Variants in ACBD6 observed in about 807,000 individuals in gnomAD.
ACBD6 encodes the protein acyl-CoA-binding domain-containing protein 6.
ACBD6 carries 28 observed loss-of-function variants against 37.2 expected under a neutral mutation model. The ratio of observed to expected loss-of-function variants is 0.75; its 90% CI spans 0.56 to 1.03. The LOEUF is 1.03. Among genes scored for constraint, ACBD6 ranks in the 50% least tolerant of loss-of-function variants. The probability of loss-of-function intolerance (pLI) is 0.00; values close to 1 mark genes in which losing one functional copy is unlikely to be tolerated. For synonymous variants in ACBD6, 113 were observed against 126.8 expected, an observed-to-expected ratio of 0.89 and a Z score of 0.73; for missense variants, 340 against 337.4, an observed-to-expected ratio of 1.01 and a Z score of -0.06.
At chr1:180,384,394 C>T (rs1232837783) in intron 6 of ACBD6, among the ~76,000 whole-genome samples, 1 of 152,204 alleles carries the variant, frequency 6.6e-6, no homozygotes, top group Admixed American at 6.5e-5. Context: ...CTAACAGCTA[C>T]ATGAAAGAAA....
chr1:180,343,761 A>AAAAAC (rs1182258405), intron 6 of ACBD6, among the ~76,000 whole-genome samples: 4 of 152,166 alleles, frequency 2.6e-5, no homozygotes, highest in Non-Finnish European at 5.9e-5. Context: ...AAGTAAGCAT[A>AAAAAC]AAAACAAAAC....
intron 9 of ACBD6, chr1:180,278,179 T>TGGAA (rs1649153043): frequency 6.6e-6 from 1 of 152,218 alleles, no homozygotes; most frequent in African/African-American, 2.4e-5. Flanking sequence ...CAGCAGGGTC[T>TGGAA]GGAAGGCCTG....
chr1:180,285,080 G>C (rs1480808063), downstream of ACBD6, among the ~76,000 whole-genome samples: 1 of 152,140 alleles, frequency 6.6e-6, no homozygotes, highest in Admixed American at 6.5e-5. Flanking sequence ...AGTCTGCAGT[G>C]AGCTATAATG....
At chr1:180,305,693 G>A (rs1650327757) in intron 7 of ACBD6, among the ~76,000 whole-genome samples, 2 of 152,202 alleles carry the variant, frequency 1.3e-5, no homozygotes, top group African/African-American at 4.8e-5. Context: ...AGTCAGTGTG[G>A]CAATTCCTCA....
At chr1:180,386,811 C>T (rs1431338390) in intron 6 of ACBD6, among the ~76,000 whole-genome samples, 2 of 136,508 alleles carry the variant, frequency 1.5e-5, no homozygotes, top group African/African-American at 2.5e-5. Context: ...GTTTTTTCCA[C>T]TTGTTTCAAG....
At chr1:180,480,416 G>GT (rs1398414771) in intron 3 of ACBD6, among the ~76,000 whole-genome samples, 3 of 152,222 alleles carry the variant, frequency 2.0e-5, no homozygotes, top group African/African-American at 7.2e-5. Flanking sequence ...AGAAAAAGCA[G>GT]TAAGAAAAGA....
At chr1:180,416,483 A>G (rs1301933619) in intron 4 of ACBD6, among the ~76,000 whole-genome samples, 2 of 152,160 alleles carry the variant, frequency 1.3e-5, no homozygotes. Flanking sequence ...TTACTCAGGT[A>G]TCTTGTTCCC....
chr1:180,288,157 G>T, downstream of ACBD6: 1 of 626,930 alleles, frequency 1.6e-6, no homozygotes, highest in Non-Finnish European at 2.7e-6. Context: ...ATTATGCACA[G>T]TACACATGTT....
intron 6 of ACBD6, among the ~76,000 whole-genome samples, chr1:180,353,427 C>G (rs1179521909): frequency 6.6e-6 from 1 of 152,108 alleles, no homozygotes; most frequent in African/African-American, 2.4e-5. Flanking sequence ...GGCAGCATTT[C>G]ATAGAAGACA....
chr1:180,493,695 C>T (rs1376372356), intron 2 of ACBD6, among the ~76,000 whole-genome samples: 2 of 152,136 alleles, frequency 1.3e-5, no homozygotes, highest in East Asian at 3.8e-4. Flanking sequence ...AGAGGCTATA[C>T]ATTCAGATTT....
intron 7 of ACBD6, among the ~76,000 whole-genome samples, chr1:180,300,584 A>G (rs545474959): frequency 6.6e-6 from 1 of 152,304 alleles, no homozygotes; most frequent in East Asian, 1.9e-4. Context: ...TTGTAACGCC[A>G]GAACTTATAG....
chr1:180,343,935 A>G (rs1468603442), intron 6 of ACBD6, among the ~76,000 whole-genome samples: 1 of 79,742 alleles, frequency 1.3e-5, no homozygotes, highest in African/African-American at 3.6e-5. Context: ...AGAAAAGTAA[A>G]TATAGTTGGC....
At chr1:180,392,101 A>C (rs1654099342) in intron 6 of ACBD6, among the ~76,000 whole-genome samples, 1 of 152,190 alleles carries the variant, frequency 6.6e-6, no homozygotes, top group African/African-American at 2.4e-5. Flanking sequence ...AGTTAGAACT[A>C]ATCAGGGGTC....
intron 3 of ACBD6, among the ~76,000 whole-genome samples, chr1:180,455,215 T>G (rs1440409695): frequency 2.0e-5 from 3 of 152,142 alleles, no homozygotes; most frequent in Non-Finnish European, 4.4e-5. Context: ...GTTCATGTCC[T>G]TTACAGGGAC....
chr1:180,367,550 C>A (rs1193729089), intron 6 of ACBD6, among the ~76,000 whole-genome samples: 2 of 152,062 alleles, frequency 1.3e-5, no homozygotes, highest in Non-Finnish European at 2.9e-5. Flanking sequence ...TCACCCTCCA[C>A]CCTCAAGCAG....
chr1:180,309,398 T>A (rs567388384), intron 7 of ACBD6, among the ~76,000 whole-genome samples: 51 of 152,314 alleles, frequency 3.3e-4, no homozygotes, highest in Non-Finnish European at 5.9e-4. Flanking sequence ...TCACTCCTAA[T>A]GGTTAACTAG....
intron 6 of ACBD6, among the ~76,000 whole-genome samples, chr1:180,395,736 A>C (rs1654237129): frequency 6.6e-6 from 1 of 152,214 alleles, no homozygotes; most frequent in African/African-American, 2.4e-5. Context: ...TGTGGGAAAC[A>C]ATATGGCAAT....
At chr1:180,370,610 T>C (rs1448023700) in intron 6 of ACBD6, among the ~76,000 whole-genome samples, 1 of 152,184 alleles carries the variant, frequency 6.6e-6, no homozygotes, top group African/African-American at 2.4e-5. Context: ...TACACAAGTA[T>C]TATATACATA....
chr1:180,405,848 T>A (rs778575254), intron 5 of ACBD6, among the ~76,000 whole-genome samples: 1 of 152,168 alleles, frequency 6.6e-6, no homozygotes, highest in African/African-American at 2.4e-5. Flanking sequence ...AAATATTTGG[T>A]ATGTGTGAAG....
Sources: allele counts gnomAD v4.1 joint callset (sites outside exome capture counted in the v4.1 genomes callset), GRCh38; gene constraint gnomAD v4.1.1; transcripts MANE v1.5; gene names NCBI Gene and HGNC (gene_info 2026-07-23, HGNC 2026-07-21).